Variants in GPR160 observed in about 807,000 individuals in gnomAD.
GPR160 encodes the protein G protein-coupled receptor 160.
GPR160 carries 2 observed loss-of-function variants against 2.6 expected under a neutral mutation model. The observed-to-expected ratio is 0.77, with a 90% CI of 0.32 to 2.44. The LOEUF (loss-of-function observed/expected upper bound fraction) is 2.44, where lower values mean the gene tolerates loss of function less well. GPR160 is among the 30% of genes most tolerant of loss of function. The pLI is 0.11. For missense variants in GPR160, 351 were observed against 383.6 expected (o/e 0.91, Z 0.71); for synonymous variants, 130 against 132.2 (o/e 0.98, Z 0.12).
chr3:170,067,781 T>TCACA (rs1294777471), intron 2 of GPR160, among the ~76,000 whole-genome samples: 2 of 152,174 alleles, frequency 1.3e-5, no homozygotes, highest in Non-Finnish European at 2.9e-5. Flanking sequence ...CTGGGATGTG[T>TCACA]TTTTTTACTC....
intron 2 of GPR160, among the ~76,000 whole-genome samples, chr3:170,051,790 T>C (rs1281529578): frequency 6.6e-6 from 1 of 152,212 alleles, no homozygotes; most frequent in African/African-American, 2.4e-5. Flanking sequence ...CATGACTTTT[T>C]CCCTAATGGT....
Position 170,084,468 on chromosome 3 carries a change from G to A in GPR160, c.496G>A (p.Ala166Thr). The A allele has an allele frequency of 6.2e-7, 1 of 1,613,490 alleles. No individual in the cohort carries two copies. The highest frequency in any genetic ancestry group is 8.5e-7 in the Non-Finnish European group (1 of 1,179,492). The stretch of plus-strand genomic sequence containing the variant: ...CCCAGCCATCTACCAAAGCCTGAAG[G>A]CACAGAATGCTTATTCTCGTCACTG... The part of the protein sequence containing the change: ...GDPAIYQSLK[A>T]QNAYSRHCPF... Residue 166 changes from alanine (A) to threonine (T), a missense_variant, in exon 4 of 4, where the codon GCA (alanine) becomes ACA (threonine). Coordinates refer to ENST00000355897, the MANE Select transcript of GPR160 (RefSeq NM_014373.3).
intron 2 of GPR160, among the ~76,000 whole-genome samples, chr3:170,063,781 A>T (rs554523346): frequency 9.9e-5 from 15 of 152,256 alleles, no homozygotes; most frequent in Admixed American, 8.5e-4. Context: ...TATTTTTAAA[A>T]GATTGGGCAG....
At chr3:170,069,638 C>A (rs565670646) in intron 2 of GPR160, among the ~76,000 whole-genome samples, 1 of 152,198 alleles carries the variant, frequency 6.6e-6, no homozygotes, top group African/African-American at 2.4e-5. Flanking sequence ...ATAGTTAGAA[C>A]AGCCATTAAC....
intron 3 of GPR160, among the ~76,000 whole-genome samples, chr3:170,081,710 T>C (rs1243649895): frequency 6.6e-6 from 1 of 152,178 alleles, no homozygotes; most frequent in East Asian, 1.9e-4. Flanking sequence ...TTGTTTCTGC[T>C]TCTCTCCCTC....
intron 2 of GPR160, among the ~76,000 whole-genome samples, chr3:170,040,413 T>C (rs1283578916): frequency 6.6e-6 from 1 of 152,162 alleles, no homozygotes; most frequent in Non-Finnish European, 1.5e-5. Flanking sequence ...CCAGACTCGG[T>C]CATAAAAAGT....
rs118018014 is a variant in GPR160 at position 170,051,410 on chromosome 3, G to A, written c.-193+12367G>A. Among the ~76,000 whole-genome samples, 145 of 152,226 alleles carry A rather than the reference G, an allele frequency of 9.5e-4. No individual in the cohort carries two copies. In the East Asian group the frequency reaches 0.026, roughly 28 times the overall value. On this transcript the variant is annotated intron_variant, in intron 2 of 3. Coordinates refer to ENST00000355897, the MANE Select transcript of GPR160 (RefSeq NM_014373.3). ...TTCAAGAATTTTAAGGTATATATCT[G>A]GATGCAAATTCTTTATCAAATATAT...
chr3:170,062,606 G>A lies in GPR160; in HGVS notation c.-192-17168G>A. 3 of 1,256,290 alleles carry A rather than the reference G, an allele frequency of 2.4e-6. No homozygotes were observed. In the South Asian group the frequency reaches 3.8e-5, roughly 16 times the overall value. The allele number at this position is 1,256,290 out of a possible 1,614,324, so 77.8% of individuals were successfully genotyped here. A position where few individuals can be genotyped will look rare whatever the true frequency, so the allele number is the denominator to read the frequency against. ...TCCAAACCAAAAATGTGAAGCAGCA[G>A]AACTTCCAAAACCTCCGGCCTCGTC... On this transcript the variant is annotated intron_variant, in intron 2 of 3. Coordinates refer to ENST00000355897, the MANE Select transcript of GPR160 (RefSeq NM_014373.3).
At chr3:170,042,188 G>A (rs1716480538) in intron 2 of GPR160, among the ~76,000 whole-genome samples, 1 of 151,968 alleles carries the variant, frequency 6.6e-6, no homozygotes, top group African/African-American at 2.4e-5. Context: ...TTTAACAGAT[G>A]GGAACATTGA....
chr3:170,041,688 G>A (rs1189194844), intron 2 of GPR160, among the ~76,000 whole-genome samples: 1 of 152,242 alleles, frequency 6.6e-6, no homozygotes, highest in Non-Finnish European at 1.5e-5. Flanking sequence ...ACAGTGGGGG[G>A]AGATACCACA....
chr3:170,039,425 A>G (rs1015118121), intron 2 of GPR160, among the ~76,000 whole-genome samples: 4 of 152,122 alleles, frequency 2.6e-5, no homozygotes, highest in Non-Finnish European at 4.4e-5. Flanking sequence ...AATGGAGATG[A>G]TGCCCGAGTG....
Position 170,085,184 on chromosome 3 carries a change from G to T in GPR160, c.*195G>T. 7.8e-6 allele frequency: 3 copies of T among 383,556 alleles called. No homozygotes were observed. The highest frequency in any genetic ancestry group is 4.2e-5 in the East Asian group (1 of 23,766). 23.8% of individuals were successfully genotyped at this position (383,556 alleles called of 1,614,324 possible). ...TATTTTAAAAACAAAATAATTCCAAGAAGTTTTTATAGTTATTCAGGGACA... is the reference window on the plus strand; with the variant it reads ...TATTTTAAAAACAAAATAATTCCAATAAGTTTTTATAGTTATTCAGGGACA... On this transcript the variant is annotated 3_prime_UTR_variant, in exon 4 of 4. Transcript: ENST00000355897.
In GPR160 at chr3:170,084,611, A is replaced by C; in HGVS notation, c.639A>C (p.Ile213=). Residue 213 remains isoleucine (I), a synonymous_variant, in exon 4 of 4, where the codon ATA becomes ATC. Coordinates refer to ENST00000355897, the MANE Select transcript of GPR160 (RefSeq NM_014373.3). ...EVTTLVQAIR[I]TSYMNETILY... Reference sequence around the variant, plus strand: ...CTACTTTGGTACAGGCTATCAGGATAACTTCCTATATGAATGAAACTATCT... The same window carrying C: ...CTACTTTGGTACAGGCTATCAGGATCACTTCCTATATGAATGAAACTATCT... The C allele has an allele frequency of 6.2e-7, 1 of 1,612,580 alleles. No homozygotes were observed. The highest frequency in any genetic ancestry group is 8.5e-7 in the Non-Finnish European group (1 of 1,178,676).
chr3:170,074,425 A>T (rs1712751161), intron 2 of GPR160, among the ~76,000 whole-genome samples: 1 of 149,726 alleles, frequency 6.7e-6, no homozygotes, highest in African/African-American at 2.5e-5. Flanking sequence ...TTTTGTATCG[A>T]TTTTCTTTCT....
chr3:170,081,248 A>C (rs913289180), intron 3 of GPR160, among the ~76,000 whole-genome samples: 2 of 152,156 alleles, frequency 1.3e-5, no homozygotes, highest in African/African-American at 2.4e-5. Flanking sequence ...TATCCAAGCA[A>C]CACCACTTGT....
At chr3:170,066,130 C>CTTTTTTT (rs768660597) in intron 2 of GPR160, among the ~76,000 whole-genome samples, 1,348 of 85,374 alleles carry the variant, frequency 0.016, 113 homozygotes, top group African/African-American at 0.044. Context: ...TTTTCTTTTT[C>CTTTTTTT]TTTTTTTTTT....
At chr3:170,063,854 G>A (rs1451533599) in intron 2 of GPR160, among the ~76,000 whole-genome samples, 3 of 152,136 alleles carry the variant, frequency 2.0e-5, no homozygotes, top group East Asian at 1.9e-4. Context: ...AGCGCGGGCC[G>A]GCATAGATTT....
At chr3:170,062,431 A>T in intron 2 of GPR160, 1 of 480,236 alleles carries the variant, frequency 2.1e-6, no homozygotes, top group Non-Finnish European at 3.9e-6. Context: ...AATGTGTTCC[A>T]GCCTTCAGGA....
At chr3:170,047,754 C>T (rs1716786956) in intron 2 of GPR160, among the ~76,000 whole-genome samples, 1 of 151,792 alleles carries the variant, frequency 6.6e-6, no homozygotes, top group African/African-American at 2.4e-5. Flanking sequence ...ATACACAACA[C>T]ACCATGGAAT....
Sources: gnomAD v4.1 joint callset for allele counts (sites outside exome capture counted in the v4.1 genomes callset) on GRCh38, gnomAD v4.1.1 for gene constraint, MANE v1.5 for transcripts, NCBI Gene and HGNC (gene_info 2026-07-23, HGNC 2026-07-21) for gene names.